Variants in CAMSAP1 observed in about 807,000 individuals in gnomAD.
CAMSAP1 encodes the protein calmodulin-regulated spectrin-associated protein 1.
CAMSAP1 carries 58 observed loss-of-function variants against 143.5 expected under a neutral mutation model. The ratio of observed to expected loss-of-function variants is 0.40; its 90% confidence interval spans 0.33 to 0.50. The LOEUF is 0.50. Ranked by LOEUF, CAMSAP1 falls within the 20% of genes least tolerant of loss-of-function variation. CAMSAP1 has a pLI of 0.45. For synonymous variants in CAMSAP1, 945 were observed against 859.3 expected, an observed-to-expected ratio of 1.10 and a Z score of -1.74; for missense variants, 1,969 against 2,115.7, an observed-to-expected ratio of 0.93 and a Z score of 1.36.
At chr9:135,825,385 G>C (rs2131670632) in intron 8 of CAMSAP1, among the ~76,000 whole-genome samples, 1 of 152,290 alleles carries the variant, frequency 6.6e-6, no homozygotes, top group East Asian at 1.9e-4. Context: ...CACTGCTGGT[G>C]GGAGGGTAAA....
chr9:135,885,452 A>T (rs1838092546), intron 1 of CAMSAP1, among the ~76,000 whole-genome samples: 1 of 152,170 alleles, frequency 6.6e-6, no homozygotes, highest in South Asian at 2.1e-4. Flanking sequence ...GCCCCAGGGG[A>T]CCCCTCAGAG....
Position 135,816,005 on chromosome 9 carries a change from T to C in CAMSAP1, c.4272A>G (p.Arg1424=), listed in dbSNP as rs775761873. Residue 1424 remains arginine (R), a splice_region_variant and synonymous_variant, in exon 15 of 17, where the codon CGA becomes CGG. Transcript: ENST00000389532. ...TGGGCAGGGCTTCCATCGATTCCACTCTGCAGGCAGAAACAGACAAGAGAC... is the reference window on the plus strand; with the variant it reads ...TGGGCAGGGCTTCCATCGATTCCACCCTGCAGGCAGAAACAGACAAGAGAC... ...SVHSGGTPSQ[R]VESMEALPIL... The C allele has an allele frequency of 3.7e-6, 6 of 1,613,104 alleles. No individual in the cohort carries two copies. Among genetic ancestry groups the C allele is most frequent in the Non-Finnish European group, 5.1e-6 (6 of 1,179,692 alleles).
At chr9:135,815,395 A>C (rs1415065866) in intron 15 of CAMSAP1, among the ~76,000 whole-genome samples, 180 bp from the exon 16 acceptor site, 1 of 152,246 alleles carries the variant, frequency 6.6e-6, no homozygotes, top group Non-Finnish European at 1.5e-5. Context: ...TTAAGTTATA[A>C]ATTTTTAGAC....
Position 135,873,988 on chromosome 9 carries a change from G to A in CAMSAP1, c.586-7452C>T, listed in dbSNP as rs572551217. Among the ~76,000 whole-genome samples, 20 of 152,108 alleles carry A rather than the reference G, an allele frequency of 1.3e-4. 1 individual carries two copies. In the East Asian group the frequency reaches 2.5e-3, roughly 19 times the overall value. On this transcript the variant is annotated intron_variant, in intron 3 of 16. Transcript: ENST00000389532. ...ATCATCAACAATATATTAGCAAATCGAATCCGTCAATATATAAAATAAATA... is the reference window on the plus strand; with the variant it reads ...ATCATCAACAATATATTAGCAAATCAAATCCGTCAATATATAAAATAAATA...
intron 16 of CAMSAP1, among the ~76,000 whole-genome samples, chr9:135,813,495 AAAAG>A (rs779840690): frequency 1.3e-5 from 2 of 152,378 alleles, no homozygotes; most frequent in African/African-American, 4.8e-5. Flanking sequence ...TTAGATGCCA[AAAAG>A]AAAGAAACAT....
At chr9:135,827,265 G>C (rs1451794433) in intron 8 of CAMSAP1, 142 bp downstream of exon 8, 1 of 832,440 alleles carries the variant, frequency 1.2e-6, no homozygotes, top group Non-Finnish European at 1.7e-6. Flanking sequence ...ATGGCCAGAA[G>C]GGCAGGGACA....
intron 1 of CAMSAP1, among the ~76,000 whole-genome samples, chr9:135,892,701 A>C: frequency 6.6e-6 from 1 of 151,722 alleles, no homozygotes; most frequent in African/African-American, 2.4e-5. Context: ...AAACACAAAA[A>C]TTAGCCAGGC....
At chr9:135,880,287 G>A (rs567938780) in intron 3 of CAMSAP1, among the ~76,000 whole-genome samples, 198 of 152,094 alleles carry the variant, frequency 1.3e-3, no homozygotes, top group Non-Finnish European at 2.3e-3. Flanking sequence ...CATGCACGCC[G>A]CCAGGTGAGA....
At chr9:135,887,338 G>A (rs567360119) in intron 1 of CAMSAP1, among the ~76,000 whole-genome samples, 4 of 152,328 alleles carry the variant, frequency 2.6e-5, no homozygotes, top group Non-Finnish European at 1.5e-5. Flanking sequence ...CACAGAGCCC[G>A]CCGGACTCAG....
At chr9:135,847,955 A>AAGGGGAAGGGGAGGGGGGGGGGGG (rs1836635097) in intron 7 of CAMSAP1, among the ~76,000 whole-genome samples, 5 of 15,472 alleles carry the variant, frequency 3.2e-4, no homozygotes, top group African/African-American at 5.7e-4. Flanking sequence ...GTGGGGGGGG[A>AAGGGGAAGGGGAGGGGGGGGGGGG]GGGGGAGGAG....
chr9:135,819,120 G>A lies in CAMSAP1; in HGVS notation c.3849C>T (p.Leu1283=), dbSNP rs562032561. The change falls in exon 12 of 17, where the codon CTC becomes CTT. Residue 1283 remains leucine (L), a synonymous_variant. Coordinates refer to ENST00000389532, the MANE Select transcript of CAMSAP1 (RefSeq NM_015447.4). ...GGAGGAAGGCCGCCCGCTTCTTGGC[G>A]AGCTCATCTTCCGCTTTCTGTTCAT... The part of the protein sequence containing the change: ...FKDEQKAEDE[L]AKKRAAFLLK... 67 of 1,601,900 alleles carry A rather than the reference G, an allele frequency of 4.2e-5. No individual in the cohort carries two copies. In the South Asian group the frequency reaches 6.5e-4, roughly 16 times the overall value.
rs1449705180 is a variant in CAMSAP1, at chr9:135,824,068, A to AC, written c.1316-35dup. ...CAGAGGAATTAGATAGTGTTAAGTAACCAATTTTCTATCACTTGAAATTCT... is the reference window on the plus strand; with the variant it reads ...CAGAGGAATTAGATAGTGTTAAGTAACCCAATTTTCTATCACTTGAAATTCT... On this transcript the variant is annotated intron_variant, in intron 9 of 16. Transcript: ENST00000389532. This position sits in a 1 kb window ranked among gnomAD's most constrained non-coding sequence, Gnocchi z 4.1. 6.5e-7 allele frequency: 1 copy of AC among 1,527,064 alleles called. No individual in the cohort carries two copies. Among genetic ancestry groups the AC allele is most frequent in the Non-Finnish European group, 8.9e-7 (1 of 1,123,096 alleles). 94.6% of individuals were successfully genotyped at this position (1,527,064 alleles called of 1,614,324 possible).
chr9:135,823,593 T>C (rs1835564485), intron 10 of CAMSAP1, among the ~76,000 whole-genome samples: 1 of 152,208 alleles, frequency 6.6e-6, no homozygotes, highest in Admixed American at 6.5e-5. Context: ...TTACAGTAAT[T>C]AGCCCACTCC....
rs1364091318 is a variant in CAMSAP1 at position 135,822,682 on chromosome 9, A to G, written c.1979T>C (p.Met660Thr). Residue 660 changes from methionine (M) to threonine (T), a missense_variant, in exon 11 of 17, where the codon ATG becomes ACG. Physicochemically the swap from Met to Thr is moderately conservative, Grantham distance 81 (BLOSUM62 -1). This residue lies in a region of CAMSAP1 where 1,390 missense variants were observed against 1,420.8 expected (regional missense o/e 0.98). Transcript: ENST00000389532. This position sits in a 1 kb window ranked among gnomAD's most constrained non-coding sequence, Gnocchi z 6.1. ...FTPIPCSEFP[M>T]GIDPTETGPL... Reference sequence around the variant, plus strand: ...TCCTGTCTCGGTGGGGTCGATGCCCATGGGGAATTCTGAGCATGGAATCGG... The same window carrying G: ...TCCTGTCTCGGTGGGGTCGATGCCCGTGGGGAATTCTGAGCATGGAATCGG... 6.4e-7 allele frequency: 1 copy of G among 1,571,144 alleles called. No individual in the cohort carries two copies. Among genetic ancestry groups the G allele is most frequent in the Non-Finnish European group, 8.7e-7 (1 of 1,155,366 alleles).
At chr9:135,849,894 A>G in intron 7 of CAMSAP1, 1 of 383,706 alleles carries the variant, frequency 2.6e-6, no homozygotes, top group East Asian at 4.1e-5. Context: ...GGAGGTGAGA[A>G]CAGCCATCCT....
intron 5 of CAMSAP1, among the ~76,000 whole-genome samples, chr9:135,860,351 A>G (rs1220441821): frequency 1.3e-5 from 2 of 152,128 alleles, no homozygotes; most frequent in Admixed American, 6.5e-5. Context: ...TAATCCCAGC[A>G]CTTTGGGAGG....
Position 135,818,446 on chromosome 9 carries a change from T to A in CAMSAP1, c.4130A>T (p.Glu1377Val). 1.3e-6 allele frequency: 2 copies of A among 1,599,552 alleles called. No individual in the cohort carries two copies. The highest frequency in any genetic ancestry group is 2.2e-5 in the South Asian group (2 of 89,568). The change falls in exon 13 of 17, where the codon GAG becomes GTG. Residue 1377 changes from glutamate (E) to valine (V), a missense_variant. Glu to Val is a moderately radical substitution (Grantham distance 121). Around this residue, in one of 4 missense-constraint regions of CAMSAP1, gnomAD observed 1,390 missense variants for 1,420.8 expected, o/e 0.98. Transcript: ENST00000389532. This position sits in a 1 kb window ranked among gnomAD's most constrained non-coding sequence, Gnocchi z 7.7. Reference protein sequence around the residue: ...KPRPKSVHREESCSDSGTKCS... With the variant: ...KPRPKSVHREVSCSDSGTKCS... ...CTTGGTGCCGGAGTCGCTGCACGAC[T>A]CTTCCCGGTGCACCGACTTCGGCCG...
At chr9:135,823,725 A>C (rs1297980753) in intron 10 of CAMSAP1, among the ~76,000 whole-genome samples, 1 of 152,176 alleles carries the variant, frequency 6.6e-6, no homozygotes, top group African/African-American at 2.4e-5. Context: ...ACCTGCTGCC[A>C]CACCACATGG....
At chr9:135,819,195 C>A in intron 11 of CAMSAP1, 49 bp from the exon 12 acceptor site, 1 of 1,556,954 alleles carries the variant, frequency 6.4e-7, no homozygotes, top group South Asian at 1.2e-5. Flanking sequence ...CCTCAGACGC[C>A]GGACACGGCC....
Sources: allele counts gnomAD v4.1 joint callset (sites outside exome capture counted in the v4.1 genomes callset), GRCh38; gene constraint gnomAD v4.1.1; regional missense constraint gnomAD v4.1.1; non-coding constraint Gnocchi (gnomAD v3.1); transcripts MANE v1.5; gene names NCBI Gene and HGNC (gene_info 2026-07-23, HGNC 2026-07-21).